CLSPN: variants seen among roughly 807,000 people sequenced by gnomAD.
The protein encoded by CLSPN is claspin.
Under a neutral mutation model 156.3 loss-of-function variants are expected in CLSPN, and 85 were observed. That is an observed-to-expected ratio of 0.54 (90% CI 0.46 to 0.65). CLSPN has a LOEUF of 0.65. Ranked by LOEUF, CLSPN falls within the 30% of genes least tolerant of loss-of-function variation. The pLI is 0.00. For missense variants in CLSPN, 1,407 were observed against 1,554.9 expected (o/e 0.90, Z 1.60); for synonymous variants, 534 against 542.4 (o/e 0.98, Z 0.22).
rs1326379335 is a variant in CLSPN at position 35,736,687 on chromosome 1, TA to T, written c.3910-82del. 9.9e-6 allele frequency: 15 copies of T among 1,513,140 alleles called. No individual in the cohort carries two copies. In the Admixed American group the frequency reaches 3.6e-4, roughly 36 times the overall value. The allele number at this position is 1,513,140 out of a possible 1,614,324, so 93.7% of individuals were successfully genotyped here. On this transcript the variant is annotated intron_variant, in intron 24 of 24. Transcript: ENST00000318121. ...CTTCAATTAGCTCTCAAGCAACTCATAAATTGTGGATGATTAACAACAGAAA... is the reference window on the plus strand; with the variant it reads ...CTTCAATTAGCTCTCAAGCAACTCATAATTGTGGATGATTAACAACAGAAA...
At chr1:35,765,410 T>C in intron 1 of CLSPN, 84 bp from the exon 2 acceptor site, 1 of 877,106 alleles carries the variant, frequency 1.1e-6, no homozygotes, top group East Asian at 2.5e-5. Context: ...CATCGTGGGA[T>C]CATCAACCTG....
downstream of CLSPN, among the ~76,000 whole-genome samples, chr1:35,728,633 A>G (rs77918582): frequency 0.01 from 1,555 of 152,180 alleles, 15 homozygotes; most frequent in African/African-American, 0.033. Flanking sequence ...CTGTTTCAGA[A>G]AACTCTCAGT....
chr1:35,748,176 G>A, intron 13 of CLSPN, 115 bp from the exon 14 acceptor site: 1 of 1,218,514 alleles, frequency 8.2e-7, no homozygotes, highest in Non-Finnish European at 1.2e-6. Context: ...GGAAATTGTA[G>A]TTGAGGGGGA....
At chr1:35,769,277 T>A (rs548465080) in intron 1 of CLSPN, among the ~76,000 whole-genome samples, 4 of 152,342 alleles carry the variant, frequency 2.6e-5, no homozygotes, top group African/African-American at 9.6e-5. Context: ...CTGTTTTCTA[T>A]GCCCAATTTC....
intron 16 of CLSPN, among the ~76,000 whole-genome samples, chr1:35,744,149 C>T (rs183118342): frequency 1.8e-4 from 28 of 152,286 alleles, no homozygotes; most frequent in Admixed American, 1.1e-3. Flanking sequence ...TTCCTTATAA[C>T]CTCAGTCTCT....
chr1:35,768,339 G>A (rs567618721), intron 1 of CLSPN, among the ~76,000 whole-genome samples: 1 of 150,996 alleles, frequency 6.6e-6, no homozygotes, highest in Non-Finnish European at 1.5e-5. Flanking sequence ...CTGCACTCCA[G>A]TCTGGGCAAC....
rs2148610754 is a variant in CLSPN, at chr1:35,734,492, C to T, written c.*2004G>A. ...GTCAGGAGTTCAAGACCAGCCTGGC[C>T]AACATGGCGAAACCTCATCTCTAAT... is the stretch of plus-strand genomic sequence containing the variant. On this transcript the variant is annotated 3_prime_UTR_variant, in exon 25 of 25. Coordinates refer to ENST00000318121, the MANE Select transcript of CLSPN (RefSeq NM_022111.4). 3 of 436,712 alleles carry T rather than the reference C, an allele frequency of 6.9e-6. No homozygotes were observed. Among genetic ancestry groups the T allele is most frequent in the Middle Eastern group, 1.1e-3 (1 of 900 alleles). 27.1% of individuals were successfully genotyped at this position (436,712 alleles called of 1,614,324 possible).
rs1641392759 is a variant in CLSPN at position 35,734,397 on chromosome 1, C to T, written c.*2099G>A. 2 of 984,788 alleles carry T rather than the reference C, an allele frequency of 2.0e-6. No homozygotes were observed. The highest frequency in any genetic ancestry group is 3.5e-5 in the African/African-American group (2 of 57,138). 61.0% of individuals were successfully genotyped at this position (984,788 alleles called of 1,614,324 possible). A position where few individuals can be genotyped will look rare whatever the true frequency, so the allele number is the denominator to read the frequency against. On this transcript the variant is annotated 3_prime_UTR_variant, in exon 25 of 25. Transcript: ENST00000318121. ...TGAGTATTAGAAAACTGTAGAAAAC[C>T]GGCCGGGTGCGGTGGCTCATGCCTA...
In CLSPN at chr1:35,735,633, G is replaced by A. The variant is rs1398094520; in HGVS notation, c.*863C>T. On this transcript the variant is annotated 3_prime_UTR_variant, in exon 25 of 25. Coordinates refer to ENST00000318121, the MANE Select transcript of CLSPN (RefSeq NM_022111.4). ...TGAGACAGGAGAATCACTTGAACCC[G>A]GGAGGCAGAGGTTGCCGTGAGCCGA... is the stretch of plus-strand genomic sequence containing the variant. 11 of 748,184 alleles carry A rather than the reference G, an allele frequency of 1.5e-5. No homozygotes were observed. The highest frequency in any genetic ancestry group is 1.6e-5 in the Non-Finnish European group (10 of 613,990). The allele number at this position is 748,184 out of a possible 1,614,324, so 46.3% of individuals were successfully genotyped here. A position where few individuals can be genotyped will look rare whatever the true frequency, so the allele number is the denominator to read the frequency against.
Position 35,738,091 on chromosome 1 carries a change from G to T in CLSPN, c.3565C>A (p.Gln1189Lys), listed in dbSNP as rs1339597031. The T allele has an allele frequency of 3.2e-6, 4 of 1,243,534 alleles. No homozygotes were observed. Among genetic ancestry groups the T allele is most frequent in the Admixed American group, 3.2e-5 (1 of 30,852 alleles). The allele number at this position is 1,243,534 out of a possible 1,614,324, so 77.0% of individuals were successfully genotyped here. ...TCTTCTTCAGCTGTAATTTTCCCCT[G>T]CTGTGCCTGAAAAAAAAAAAAAATA... The part of the protein sequence containing the change: ...REQWLRDMAQ[Q>K]GKITAEEEEE... The change falls in exon 22 of 25, where the codon CAG becomes AAG. Residue 1189 changes from glutamine (Q) to lysine (K), a missense_variant. Around this residue, in one of 3 missense-constraint regions of CLSPN, gnomAD observed 241 missense variants for 240.5 expected, o/e 1.00. Coordinates refer to ENST00000318121, the MANE Select transcript of CLSPN (RefSeq NM_022111.4).
intron 12 of CLSPN, 22 bp downstream of exon 12, chr1:35,749,445 C>A: frequency 6.2e-7 from 1 of 1,610,444 alleles, no homozygotes; most frequent in Non-Finnish European, 8.5e-7. Flanking sequence ...ATGTTAAGTT[C>A]TGCACAAGAA....
At chr1:35,749,348 A>C (rs1557512015) in intron 12 of CLSPN, 119 bp downstream of exon 12, 10 of 902,280 alleles carry the variant, frequency 1.1e-5, no homozygotes, top group Non-Finnish European at 1.7e-5. Flanking sequence ...TCATAGCTAC[A>C]TATGAAACTG....
chr1:35,755,765 G>A (rs1267047589), intron 8 of CLSPN, among the ~76,000 whole-genome samples: 1 of 152,114 alleles, frequency 6.6e-6, no homozygotes, highest in African/African-American at 2.4e-5. Flanking sequence ...CTGGAGTGCA[G>A]TGGTGCGATC....
chr1:35,732,317 G>A lies in CLSPN; in HGVS notation c.*4179C>T, dbSNP rs951551520. The A allele has an allele frequency of 8.1e-6, 8 of 985,218 alleles. No homozygotes were observed. Among genetic ancestry groups the A allele is most frequent in the Non-Finnish European group, 8.4e-6 (7 of 829,896 alleles). The allele number at this position is 985,218 out of a possible 1,614,324, so 61.0% of individuals were successfully genotyped here. ...AATCCCAGGACAGGATGCCACAAGAGTGATTAGACATAACCCTAGGAGATA... is the reference window on the plus strand; with the variant it reads ...AATCCCAGGACAGGATGCCACAAGAATGATTAGACATAACCCTAGGAGATA... On this transcript the variant is annotated 3_prime_UTR_variant, in exon 25 of 25. Coordinates refer to ENST00000318121, the MANE Select transcript of CLSPN (RefSeq NM_022111.4).
At chr1:35,744,679 C>T (rs1557507115) in intron 16 of CLSPN, among the ~76,000 whole-genome samples, 1 of 152,150 alleles carries the variant, frequency 6.6e-6, no homozygotes, top group Non-Finnish European at 1.5e-5. Context: ...ACATAGGTCG[C>T]TTTCATGTTT....
rs1641901454 is a variant in CLSPN, at chr1:35,746,916, T to A, written c.2704A>T (p.Asn902Tyr). 6.2e-7 allele frequency: 1 copy of A among 1,614,168 alleles called. No individual in the cohort carries two copies. Among genetic ancestry groups the A allele is most frequent in the East Asian group, 2.2e-5 (1 of 44,888 alleles). Residue 902 changes from asparagine to tyrosine, a missense_variant, in exon 15 of 25, where the codon AAT (asparagine) becomes TAT (tyrosine). Transcript: ENST00000318121. The surrounding 1 kb of genome is among the most constrained non-coding windows in gnomAD (Gnocchi z 4.2). ...PRLPLASMDE[N>Y]AMDANMDELL... ...TCATCCATGTTGGCATCCATGGCAT[T>A]CTCATCCATACTGGCCAATGGCAAT...
At position 35,753,834 on chromosome 1, in the gene CLSPN, C is replaced by T. The variant is rs1391710996; in HGVS notation, c.1682G>A (p.Gly561Asp). The change falls in exon 9 of 25, where the codon GGC (glycine) becomes GAC (aspartate). Residue 561 changes from glycine (G) to aspartate (D), a missense_variant. Coordinates refer to ENST00000318121, the MANE Select transcript of CLSPN (RefSeq NM_022111.4). ...TTTTAGCTCTTCCTTTCCATCAGTG[C>T]CCATGTCTTTCACTATGACGTTCAC... The part of the protein sequence containing the change: ...VNVNVIVKDM[G>D]TDGKEELKAD... 4 of 1,614,136 alleles carry T rather than the reference C, an allele frequency of 2.5e-6. No homozygotes were observed. The highest frequency in any genetic ancestry group is 3.4e-6 in the Non-Finnish European group (4 of 1,180,006).
rs745760959 is a variant in CLSPN, at chr1:35,765,326, C to G, written c.25G>C (p.Val9Leu). The G allele has an allele frequency of 6.2e-7, 1 of 1,606,594 alleles. No homozygotes were observed. Among genetic ancestry groups the G allele is most frequent in the South Asian group, 1.1e-5 (1 of 90,928 alleles). ...TTTGGGTCATTGATTTCTAGGTGAA[C>G]CTAGAAAATGACAATATACTTTATA... MTGEVGSE[V>L]HLEINDPNVI... Residue 9 changes from valine (V) to leucine (L), a missense_variant and splice_region_variant, in exon 2 of 25, where the codon GTT becomes CTT. Around this residue, in one of 3 missense-constraint regions of CLSPN, gnomAD observed 1,096 missense variants for 1,193.0 expected, o/e 0.92. Transcript: ENST00000318121.
At position 35,749,486 on chromosome 1, in the gene CLSPN, G is replaced by A; in HGVS notation, c.2253C>T (p.Gly751=). The A allele has an allele frequency of 6.2e-7, 1 of 1,614,114 alleles. No individual in the cohort carries two copies. The highest frequency in any genetic ancestry group is 8.5e-7 in the Non-Finnish European group (1 of 1,179,988). The stretch of plus-strand genomic sequence containing the variant: ...ACTTACCCAGTTTGCTAGGCTGCTT[G>A]CCTGAGTTTTCATCTGTTTCTGATT... ...EEKSETDENS[G]KQPSKLDEDD... Residue 751 remains glycine, a synonymous_variant, in exon 12 of 25, where the codon GGC becomes GGT. Coordinates refer to ENST00000318121, the MANE Select transcript of CLSPN (RefSeq NM_022111.4).
Sources: gnomAD v4.1 joint callset for allele counts (sites outside exome capture counted in the v4.1 genomes callset) on GRCh38, gnomAD v4.1.1 for gene constraint, gnomAD v4.1.1 regional missense constraint, Gnocchi (gnomAD v3.1) non-coding constraint, MANE v1.5 for transcripts, NCBI Gene and HGNC (gene_info 2026-07-23, HGNC 2026-07-21) for gene names.